The following TENM4 variants were observed in gnomAD, a reference collection of about 807,000 sequenced individuals.
TENM4 encodes teneurin-4.
In TENM4, 82 loss-of-function variants were observed where a neutral mutation model predicts 243.3. That is an observed-to-expected ratio of 0.34 (90% confidence interval 0.28 to 0.40). TENM4 has a LOEUF of 0.40. Ranked by LOEUF, TENM4 falls within the 10% of genes least tolerant of loss-of-function variation. TENM4 has a pLI of 1.00. For missense variants in TENM4, 3,138 were observed against 3,673.3 expected (o/e 0.85, Z 3.77); for synonymous variants, 1,412 against 1,456.3 (o/e 0.97, Z 0.69).
At chr11:79,429,403 C>T (rs1004161933) in intron 1 of TENM4, among the ~76,000 whole-genome samples, 7 of 152,116 alleles carry the variant, frequency 4.6e-5, no homozygotes, top group African/African-American at 7.2e-5. Context: ...CAGGAGCCAG[C>T]GGACCAGCAG....
chr11:78,677,015 G>A lies in TENM4; in HGVS notation c.5261-628C>T, dbSNP rs1472018689. 2.6e-5 allele frequency among the ~76,000 whole-genome samples: 4 copies of A among 152,148 alleles called. No individual in the cohort carries two copies. In the East Asian group the frequency reaches 7.7e-4, roughly 29 times the overall value. On this transcript the variant is annotated intron_variant, in intron 29 of 33. Coordinates refer to ENST00000278550, the MANE Select transcript of TENM4 (RefSeq NM_001098816.3). ...GTGGAGCAGCTGCGAATGGGTATGGGATTTCTCTTTGCGGTGATAAACATG... is the reference window on the plus strand; with the variant it reads ...GTGGAGCAGCTGCGAATGGGTATGGAATTTCTCTTTGCGGTGATAAACATG...
intron 6 of TENM4, among the ~76,000 whole-genome samples, chr11:78,949,941 A>G (rs568916601): frequency 6.6e-6 from 1 of 151,914 alleles, no homozygotes; most frequent in South Asian, 2.1e-4. Context: ...TGTCATTTGA[A>G]TGCTCTTTGA....
intron 4 of TENM4, among the ~76,000 whole-genome samples, chr11:79,130,607 A>C (rs1861983257): frequency 6.6e-6 from 1 of 152,200 alleles, no homozygotes; most frequent in Non-Finnish European, 1.5e-5. Context: ...GTGGATCACG[A>C]GATCAGGAGA....
intron 6 of TENM4, among the ~76,000 whole-genome samples, chr11:79,008,354 C>T (rs909563098): frequency 2.0e-5 from 3 of 152,090 alleles, no homozygotes; most frequent in Non-Finnish European, 4.4e-5. Context: ...TGGCTGCCAG[C>T]AAACTTTTAC....
At chr11:79,009,745 G>A (rs1268082477) in intron 6 of TENM4, among the ~76,000 whole-genome samples, 1 of 152,120 alleles carries the variant, frequency 6.6e-6, no homozygotes, top group African/African-American at 2.4e-5. Context: ...TTAGTGGCAG[G>A]GCTAGTCTGG....
intron 3 of TENM4, among the ~76,000 whole-genome samples, chr11:79,167,307 A>G (rs1862936397): frequency 6.6e-6 from 1 of 152,182 alleles, no homozygotes; most frequent in Non-Finnish European, 1.5e-5. Context: ...TTCAACCTTT[A>G]TCTTATGGCC....
At chr11:79,220,604 C>T (rs1864137740) in intron 2 of TENM4, among the ~76,000 whole-genome samples, 1 of 152,178 alleles carries the variant, frequency 6.6e-6, no homozygotes, top group Non-Finnish European at 1.5e-5. Flanking sequence ...TAGCTTTCCT[C>T]CTCACAAATT....
rs116438932 is a variant in TENM4, at chr11:79,071,938, C to T, written c.-65-1929G>A. Among the ~76,000 whole-genome samples, 1,182 of 152,190 alleles carry T rather than the reference C, an allele frequency of 7.8e-3. 14 individuals are homozygous for T. Among genetic ancestry groups the T allele is most frequent in the African/African-American group, 0.026 (1,086 of 41,504 alleles). ...GAATAGTTGACACTGTTTTGGTTCC[C>T]GATTCTCAAAATATCCCTGGAAATT... is the stretch of plus-strand genomic sequence containing the variant. On this transcript the variant is annotated intron_variant, in intron 4 of 33. Transcript: ENST00000278550.
intron 1 of TENM4, among the ~76,000 whole-genome samples, chr11:79,362,792 C>T (rs1010234279): frequency 3.3e-5 from 5 of 152,180 alleles, no homozygotes; most frequent in African/African-American, 1.2e-4. Flanking sequence ...TGATAGTCTA[C>T]CATGGGAGTG....
intron 2 of TENM4, among the ~76,000 whole-genome samples, chr11:79,225,624 A>T (rs1409408818): frequency 6.6e-6 from 1 of 152,090 alleles, no homozygotes; most frequent in African/African-American, 2.4e-5. Context: ...GACCAGAGGC[A>T]TACACCACCA....
intron 1 of TENM4, among the ~76,000 whole-genome samples, chr11:79,377,740 G>C (rs1422655089): frequency 6.6e-6 from 1 of 152,176 alleles, no homozygotes; most frequent in Non-Finnish European, 1.5e-5. Flanking sequence ...ATTCCCAAGA[G>C]GGAAGCTGGA....
At chr11:78,840,803 A>G (rs538234816) in intron 12 of TENM4, among the ~76,000 whole-genome samples, 2 of 152,318 alleles carry the variant, frequency 1.3e-5, no homozygotes, top group South Asian at 4.1e-4. Context: ...CAGGAATGAA[A>G]GCCAGTGTGG....
At chr11:79,243,424 C>T (rs1294340393) in intron 2 of TENM4, among the ~76,000 whole-genome samples, 1 of 151,982 alleles carries the variant, frequency 6.6e-6, no homozygotes, top group Non-Finnish European at 1.5e-5. Context: ...CTGGATGTGC[C>T]CCAATCAGAG....
intron 4 of TENM4, among the ~76,000 whole-genome samples, chr11:79,107,803 A>G (rs1861409867): frequency 6.6e-6 from 1 of 152,210 alleles, no homozygotes; most frequent in Non-Finnish European, 1.5e-5. Flanking sequence ...CATTTAATGA[A>G]CATTCCAAGC....
chr11:79,295,404 C>T (rs941760997), intron 2 of TENM4, among the ~76,000 whole-genome samples: 1 of 152,184 alleles, frequency 6.6e-6, no homozygotes, highest in African/African-American at 2.4e-5. Context: ...TTTGCACACA[C>T]ACAATTCTGC....
chr11:79,123,412 C>T (rs772147610), intron 4 of TENM4, among the ~76,000 whole-genome samples: 7 of 152,160 alleles, frequency 4.6e-5, no homozygotes, highest in Non-Finnish European at 1.0e-4. Context: ...GGTATATGCC[C>T]TAAACCACTT....
At chr11:79,285,506 A>G (rs1364716051) in intron 2 of TENM4, among the ~76,000 whole-genome samples, 2 of 152,216 alleles carry the variant, frequency 1.3e-5, no homozygotes, top group African/African-American at 4.8e-5. Context: ...TCACTGCTAG[A>G]TATATACCCC....
chr11:78,658,335 C>T lies in TENM4; in HGVS notation c.8033G>A (p.Arg2678His), dbSNP rs984294601. Residue 2678 changes from arginine (R) to histidine (H), a missense_variant, in exon 34 of 34, where the codon CGC (arginine) becomes CAC (histidine). Coordinates refer to ENST00000278550, the MANE Select transcript of TENM4 (RefSeq NM_001098816.3). ...LQYGALCLNT[R>H]YGTTLDEEKA... ...CTCCTCATCCAACGTTGTCCCGTAGCGTGTGTTCAAGCACAGTGCCCCGTA... is the reference window on the plus strand; with the variant it reads ...CTCCTCATCCAACGTTGTCCCGTAGTGTGTGTTCAAGCACAGTGCCCCGTA... The T allele has an allele frequency of 7.4e-6, 12 of 1,613,454 alleles. No homozygotes were observed. The highest frequency in any genetic ancestry group is 3.3e-5 in the Admixed American group (2 of 59,924).
At chr11:79,271,666 A>G (rs1397333669) in intron 2 of TENM4, among the ~76,000 whole-genome samples, 2 of 152,140 alleles carry the variant, frequency 1.3e-5, no homozygotes, top group Non-Finnish European at 1.5e-5. Flanking sequence ...CCACTCTTCA[A>G]CCACAACACT....
Sources: gnomAD v4.1 joint callset for allele counts (sites outside exome capture counted in the v4.1 genomes callset) on GRCh38, gnomAD v4.1.1 for gene constraint, MANE v1.5 for transcripts, NCBI Gene and HGNC (gene_info 2026-07-23, HGNC 2026-07-21) for gene names.